HLTF: variants seen among roughly 807,000 people sequenced by gnomAD.
The protein encoded by HLTF is DNA-dependent ATPase/E3 ubiquitin-protein ligase HLTF.
In HLTF, 127 loss-of-function variants were observed where a neutral mutation model predicts 129.4. That is an observed-to-expected ratio of 0.98 (90% confidence interval 0.85 to 1.14). HLTF has a LOEUF of 1.14. HLTF is among the 50% of genes most tolerant of loss of function. The probability of loss-of-function intolerance (pLI) is 0.00; values close to 1 mark genes in which losing one functional copy is unlikely to be tolerated. For synonymous variants in HLTF, 332 were observed against 388.8 expected (o/e 0.85, Z 1.72); for missense variants, 1,139 against 1,187.1 (o/e 0.96, Z 0.60).
At position 149,044,643 on chromosome 3, in the gene HLTF, A is replaced by G. The variant is rs142599572; in HGVS notation, c.2072+1437T>C. On this transcript the variant is annotated intron_variant, in intron 18 of 24. Transcript: ENST00000310053. Reference sequence around the variant, plus strand: ...AAAATTCACGGGCATCCTATGATCAATGTGTCCAAAACTGAGCTTCTGATC... The same window carrying G: ...AAAATTCACGGGCATCCTATGATCAGTGTGTCCAAAACTGAGCTTCTGATC... Among the ~76,000 whole-genome samples, 1,317 of 152,220 alleles carry G rather than the reference A, an allele frequency of 8.7e-3. 15 individuals carry two copies. Among genetic ancestry groups the G allele is most frequent in the Non-Finnish European group, 0.01 (708 of 67,980 alleles).
chr3:149,078,654 G>C (rs1000714574), intron 2 of HLTF, among the ~76,000 whole-genome samples: 2 of 152,028 alleles, frequency 1.3e-5, no homozygotes, highest in African/African-American at 4.8e-5. Context: ...TCAGGAGATC[G>C]AGACCATCCT....
chr3:149,084,995 G>A (rs1197192062), intron 1 of HLTF, 106 bp from the exon 2 acceptor site: 4 of 758,892 alleles, frequency 5.3e-6, no homozygotes, highest in Non-Finnish European at 8.6e-6. Flanking sequence ...AATCTTACAT[G>A]GGAATCACGG....
chr3:149,083,261 A>C (rs1020728559), intron 2 of HLTF, among the ~76,000 whole-genome samples: 3 of 152,134 alleles, frequency 2.0e-5, no homozygotes, highest in Non-Finnish European at 4.4e-5. Flanking sequence ...CAAAAAAAAA[A>C]CAAAAACAAA....
In HLTF at chr3:149,032,221, T is replaced by C; in HGVS notation, c.3029A>G (p.Ter1010=). The C allele has an allele frequency of 6.4e-7, 1 of 1,574,422 alleles. No homozygotes were observed. The change falls in exon 25 of 25, where the codon TAA becomes TGA. Residue 1010 remains the stop codon, a stop_retained_variant. Coordinates refer to ENST00000310053, the MANE Select transcript of HLTF (RefSeq NM_003071.4). ...CTGACCTTACTAAAATCCCACAAAT[T>C]ATAAGTCAATTAATGTTCTGATTTC... ...INEIRTLIDL[*] is the part of the protein sequence containing the mutation.
rs1043845160 is a variant in HLTF at position 149,030,900 on chromosome 3, C to CAACATT, written c.*1314_*1319dup. 1 of 152,178 alleles carries CAACATT rather than the reference C, an allele frequency of 6.6e-6. No individual in the cohort carries two copies. Among genetic ancestry groups the CAACATT allele is most frequent in the Non-Finnish European group, 1.5e-5 (1 of 68,036 alleles). The allele number at this position is 152,178 out of a possible 1,614,324, so 9.4% of individuals were successfully genotyped here. A position where few individuals can be genotyped will look rare whatever the true frequency, so the allele number is the denominator to read the frequency against. On this transcript the variant is annotated 3_prime_UTR_variant, in exon 25 of 25. Coordinates refer to ENST00000310053, the MANE Select transcript of HLTF (RefSeq NM_003071.4). ...TACCTTCAATGTGTGCCCTATAACACAACATTGTCTCCGATCTCATCTTTC... is the reference window on the plus strand; with the variant it reads ...TACCTTCAATGTGTGCCCTATAACACAACATTAACATTGTCTCCGATCTCATCTTTC...
rs763512201 is a variant in HLTF at position 149,039,192 on chromosome 3, T to C, written c.2653A>G (p.Met885Val). 1.2e-5 allele frequency: 19 copies of C among 1,605,626 alleles called. No homozygotes were observed. In the Middle Eastern group the frequency reaches 5.0e-4, roughly 42 times the overall value. Reference sequence around the variant, plus strand: ...GATTCAACTCTTTTCTTTTGGGCCATGGAACCATCCAAACGAGTAAACACA... The same window carrying C: ...GATTCAACTCTTTTCTTTTGGGCCACGGAACCATCCAAACGAGTAAACACA... The part of the protein sequence containing the change: ...GFVFTRLDGS[M>V]AQKKRVESIQ... Residue 885 changes from methionine (M) to valine (V), a missense_variant, in exon 23 of 25, where the codon ATG becomes GTG. Transcript: ENST00000310053.
intron 9 of HLTF, among the ~76,000 whole-genome samples, chr3:149,063,852 AT>A (rs905156775): frequency 6.6e-6 from 1 of 152,098 alleles, no homozygotes; most frequent in African/African-American, 2.4e-5. Flanking sequence ...GCTGTTATAA[AT>A]TTACATGTTC....
At chr3:149,074,599 G>C (rs906126024) in intron 3 of HLTF, among the ~76,000 whole-genome samples, 7 of 152,146 alleles carry the variant, frequency 4.6e-5, no homozygotes, top group Non-Finnish European at 1.0e-4. Context: ...AAAAATGCAA[G>C]GATGGCCTGT....
chr3:149,073,403 C>T lies in HLTF; in HGVS notation c.530-81G>A, dbSNP rs928420520. Reference sequence around the variant, plus strand: ...TTTATTAAGTAGCTTTTAAAATATGCATTAACAGGGCTGGGTGCTGTGGCT... The same window carrying T: ...TTTATTAAGTAGCTTTTAAAATATGTATTAACAGGGCTGGGTGCTGTGGCT... On this transcript the variant is annotated intron_variant, in intron 4 of 24. Transcript: ENST00000310053. The T allele has an allele frequency of 1.2e-5, 12 of 973,856 alleles. No homozygotes were observed. In the Admixed American group the frequency reaches 2.1e-4, roughly 17 times the overall value. The allele number at this position is 973,856 out of a possible 1,614,324, so 60.3% of individuals were successfully genotyped here.
chr3:149,065,260 T>C lies in HLTF; in HGVS notation c.991-394A>G, dbSNP rs117710151. 1.9e-4 allele frequency among the ~76,000 whole-genome samples: 29 copies of C among 152,288 alleles called. No homozygotes were observed. The East Asian group carries it at 5.6e-3, about 29-fold the overall frequency. ...GTTCAGATCTTTAATGAGGCTGCCA[T>C]TGTCATCCTCTCTTTCTCTAGAATT... On this transcript the variant is annotated intron_variant, in intron 8 of 24. Coordinates refer to ENST00000310053, the MANE Select transcript of HLTF (RefSeq NM_003071.4).
At chr3:149,076,998 C>T (rs982618262) in intron 2 of HLTF, among the ~76,000 whole-genome samples, 1 of 152,068 alleles carries the variant, frequency 6.6e-6, no homozygotes, top group African/African-American at 2.4e-5. Flanking sequence ...CTCACGCCCC[C>T]AGCACTTTGG....
At chr3:149,040,244 C>T (rs980796224) in intron 20 of HLTF, 88 bp from the exon 21 acceptor site, 39 of 1,100,696 alleles carry the variant, frequency 3.5e-5, no homozygotes, top group Non-Finnish European at 4.9e-5. Flanking sequence ...ATGCTAAAAT[C>T]TGTATCTCTC....
intron 23 of HLTF, among the ~76,000 whole-genome samples, chr3:149,035,902 G>A (rs566103296): frequency 1.6e-4 from 25 of 152,036 alleles, no homozygotes; most frequent in Non-Finnish European, 2.2e-4. Flanking sequence ...TTGGGAGGCC[G>A]AGGCAGGCAG....
At chr3:149,085,278 G>C (rs1489218191) in intron 1 of HLTF, among the ~76,000 whole-genome samples, 5 of 152,204 alleles carry the variant, frequency 3.3e-5, no homozygotes, top group Admixed American at 3.3e-4. Flanking sequence ...ATCACCTGAG[G>C]TCAGGAATTT....
At chr3:149,073,364 G>C in intron 4 of HLTF, 42 bp from the exon 5 acceptor site, 1 of 1,394,352 alleles carries the variant, frequency 7.2e-7, no homozygotes, top group Non-Finnish European at 1.0e-6. Context: ...ATCAAATAAA[G>C]TAGGTTTTTA....
At position 149,031,855 on chromosome 3, in the gene HLTF, T is replaced by G. The variant is rs1023809980; in HGVS notation, c.*365A>C. On this transcript the variant is annotated 3_prime_UTR_variant, in exon 25 of 25. Transcript: ENST00000310053. ...TTGGTAAATAACTAAGTGTCCAACA[T>G]AGAAAATAACTATTTGGTCAAAAGT... is the stretch of plus-strand genomic sequence containing the variant. The G allele has an allele frequency of 6.4e-6, 1 of 155,528 alleles. No homozygotes were observed. Among genetic ancestry groups the G allele is most frequent in the Admixed American group, 6.5e-5 (1 of 15,414 alleles). The allele number at this position is 155,528 out of a possible 1,614,324, so 9.6% of individuals were successfully genotyped here. A position where few individuals can be genotyped will look rare whatever the true frequency, so the allele number is the denominator to read the frequency against.
chr3:149,082,181 G>A (rs1334346598), intron 2 of HLTF, among the ~76,000 whole-genome samples: 4 of 152,150 alleles, frequency 2.6e-5, no homozygotes, highest in African/African-American at 9.7e-5. Context: ...TTGTGTGGCC[G>A]GGCGCAGTGG....
Position 149,039,643 on chromosome 3 carries a change from GT to G in HLTF, c.2552del (p.Asn851ThrfsTer2), listed in dbSNP as rs1300222216. 6.2e-7 allele frequency: 1 copy of G among 1,607,928 alleles called. No individual in the cohort carries two copies. Among genetic ancestry groups the G allele is most frequent in the Non-Finnish European group, 8.5e-7 (1 of 1,177,146 alleles). The part of the protein sequence containing the change: ...ALTDLRKKNP[N>X]IKSLVVSQFT... ...ACTGAGAAACAACCAAACTTTTTAT[GT>G]TGGGATTCTTCTTTCTTAAGTCAGT... On this transcript the variant is annotated frameshift_variant, in exon 22 of 25. Transcript: ENST00000310053. LOFTEE classifies it high-confidence loss of function.
intron 14 of HLTF, among the ~76,000 whole-genome samples, chr3:149,051,723 T>C (rs968413483): frequency 6.6e-6 from 1 of 151,992 alleles, no homozygotes; most frequent in Non-Finnish European, 1.5e-5. Context: ...TAGCTGGGCA[T>C]GGTGGTGATG....
Sources: gnomAD v4.1 joint callset for allele counts (sites outside exome capture counted in the v4.1 genomes callset) on GRCh38, gnomAD v4.1.1 for gene constraint, MANE v1.5 for transcripts, NCBI Gene and HGNC (gene_info 2026-07-23, HGNC 2026-07-21) for gene names.